CRTC3: variants seen among roughly 807,000 people sequenced by gnomAD.
CRTC3 encodes CREB regulated transcription coactivator 3, also known as CREB-regulated transcription coactivator 3.
CRTC3 carries 26 observed loss-of-function variants against 74.5 expected under a neutral mutation model. That is an observed-to-expected ratio of 0.35 (90% CI 0.26 to 0.48). The LOEUF (loss-of-function observed/expected upper bound fraction) is 0.48, where lower values mean the gene tolerates loss of function less well. Ranked by LOEUF, CRTC3 falls within the 20% of genes least tolerant of loss-of-function variation. CRTC3 has a pLI of 0.99. For missense variants in CRTC3, 760 were observed against 787.3 expected, an observed-to-expected ratio of 0.97 and a Z score of 0.41; for synonymous variants, 377 against 325.8, an observed-to-expected ratio of 1.16 and a Z score of -1.69.
intron 2 of CRTC3, among the ~76,000 whole-genome samples, chr15:90,582,677 CTAATG>C (rs1967570646): frequency 6.6e-6 from 1 of 152,198 alleles, no homozygotes; most frequent in Non-Finnish European, 1.5e-5. Flanking sequence ...AACAGAACTT[CTAATG>C]TTTTCCCCAT....
rs955303347 is a variant in CRTC3, at chr15:90,641,919, C to G, written c.1652-13C>G. 1.2e-6 allele frequency: 2 copies of G among 1,612,108 alleles called. No homozygotes were observed. Among genetic ancestry groups the G allele is most frequent in the Middle Eastern group, 1.8e-4 (1 of 5,446 alleles). On this transcript the variant is annotated splice_polypyrimidine_tract_variant and intron_variant, in intron 14 of 14. Coordinates refer to ENST00000268184, the MANE Select transcript of CRTC3 (RefSeq NM_022769.5). ...CTAACCGCACTGTTTTCCCCTCTGGCCACTCCTTTCAGAAGACTCCAGCAC... is the reference window on the plus strand; with the variant it reads ...CTAACCGCACTGTTTTCCCCTCTGGGCACTCCTTTCAGAAGACTCCAGCAC...
Position 90,617,880 on chromosome 15 carries a change from T to TA in CRTC3, c.614-2dup. 6.2e-7 allele frequency: 1 copy of TA among 1,605,812 alleles called. No individual in the cohort carries two copies. The highest frequency in any genetic ancestry group is 1.3e-5 in the African/African-American group (1 of 74,822). ...GACTGTGCTGCTTTTTTTTTCCCTT[T>TA]AGTAGCATCTTTCCCTGGCCCATTG... On this transcript the variant is annotated splice_region_variant and splice_polypyrimidine_tract_variant and intron_variant, in intron 7 of 14. Coordinates refer to ENST00000268184, the MANE Select transcript of CRTC3 (RefSeq NM_022769.5).
intron 10 of CRTC3, among the ~76,000 whole-genome samples, chr15:90,627,594 C>T (rs942688318): frequency 6.6e-6 from 1 of 151,956 alleles, no homozygotes; most frequent in Non-Finnish European, 1.5e-5. Context: ...CAGAACATGT[C>T]AGAACCAATG....
In CRTC3 at chr15:90,638,539, C is replaced by T. The variant is rs550826680; in HGVS notation, c.1360C>T (p.Leu454Phe). Residue 454 changes from leucine (L) to phenylalanine (F), a missense_variant, in exon 12 of 15, where the codon CTC becomes TTC. Leu to Phe is a conservative substitution (Grantham distance 22). This residue lies in a region of CRTC3 where 652 missense variants were observed against 635.2 expected (regional missense o/e 1.03). Coordinates refer to ENST00000268184, the MANE Select transcript of CRTC3 (RefSeq NM_022769.5). The part of the protein sequence containing the change: ...PPPPYPAPQE[L>F]TQPLLQQPRA... ...ACCCCCTTACCCTGCACCCCAGGAG[C>T]TCACCCAGCCCCTCCTGCAGCAGCC... 1.2e-6 allele frequency: 2 copies of T among 1,613,454 alleles called. No individual in the cohort carries two copies. The highest frequency in any genetic ancestry group is 1.7e-5 in the Admixed American group (1 of 60,020).
At chr15:90,623,556 C>T (rs1259076136) in intron 9 of CRTC3, among the ~76,000 whole-genome samples, 1 of 152,198 alleles carries the variant, frequency 6.6e-6, no homozygotes, top group Non-Finnish European at 1.5e-5. Flanking sequence ...TAGCCTGCCT[C>T]TCCCTCCCTG....
chr15:90,554,719 T>G (rs563357025), intron 2 of CRTC3, among the ~76,000 whole-genome samples: 1 of 152,280 alleles, frequency 6.6e-6, no homozygotes, highest in South Asian at 2.1e-4. Context: ...CAGGACCTGG[T>G]GAGGATGAAA....
chr15:90,561,757 G>A (rs1967015133), intron 2 of CRTC3, among the ~76,000 whole-genome samples: 1 of 152,200 alleles, frequency 6.6e-6, no homozygotes, highest in Admixed American at 6.5e-5. Context: ...TTTGGCTGTA[G>A]AACCAGCCAA....
At chr15:90,611,109 G>A (rs962010906) in intron 6 of CRTC3, among the ~76,000 whole-genome samples, 6 of 152,182 alleles carry the variant, frequency 3.9e-5, no homozygotes, top group African/African-American at 1.4e-4. Flanking sequence ...GCAGGTACAA[G>A]CATCCCAGAT....
At chr15:90,548,278 T>C (rs1454587103) in intron 2 of CRTC3, among the ~76,000 whole-genome samples, 3 of 152,218 alleles carry the variant, frequency 2.0e-5, no homozygotes, top group Non-Finnish European at 2.9e-5. Flanking sequence ...AACTACATTT[T>C]AACAAAATTG....
intron 14 of CRTC3, among the ~76,000 whole-genome samples, chr15:90,641,698 A>G (rs971534686): frequency 2.0e-5 from 3 of 149,998 alleles, no homozygotes; most frequent in African/African-American, 7.4e-5. Flanking sequence ...AAAAAAAAAA[A>G]GATTTCATCT....
chr15:90,545,851 T>TA (rs1424635123), intron 2 of CRTC3, among the ~76,000 whole-genome samples: 1 of 152,240 alleles, frequency 6.6e-6, no homozygotes, highest in African/African-American at 2.4e-5. Context: ...GTGCTGGGAT[T>TA]ACAGGCGTGA....
chr15:90,600,571 T>C (rs1968042819), intron 3 of CRTC3: 1 of 152,226 alleles, frequency 6.6e-6, no homozygotes, highest in African/African-American at 2.4e-5. Context: ...CCACCAGGCG[T>C]GCTATCTGAT....
At chr15:90,602,686 A>C (rs1968103422) in intron 4 of CRTC3, among the ~76,000 whole-genome samples, 1 of 151,698 alleles carries the variant, frequency 6.6e-6, no homozygotes, top group Non-Finnish European at 1.5e-5. Context: ...ACAACAAAAC[A>C]CCTTATTGGC....
intron 10 of CRTC3, among the ~76,000 whole-genome samples, chr15:90,628,959 T>A (rs1968937056): frequency 6.6e-6 from 1 of 152,124 alleles, no homozygotes; most frequent in Admixed American, 6.5e-5. Flanking sequence ...TTACCCCGGT[T>A]TACCTAGTTT....
chr15:90,637,353 A>G (rs569010038), intron 11 of CRTC3, among the ~76,000 whole-genome samples: 5 of 152,236 alleles, frequency 3.3e-5, no homozygotes, highest in South Asian at 2.1e-4. Flanking sequence ...GAATTGAACA[A>G]TGAGAACACA....
At chr15:90,638,237 A>C in intron 11 of CRTC3, 1 of 545,032 alleles carries the variant, frequency 1.8e-6, no homozygotes, top group East Asian at 2.9e-5. Context: ...AAGACAATAG[A>C]ACTTGTCATT....
intron 2 of CRTC3, among the ~76,000 whole-genome samples, chr15:90,541,375 G>A (rs1966798871): frequency 6.6e-6 from 1 of 152,060 alleles, no homozygotes; most frequent in African/African-American, 2.4e-5. Context: ...ATTTAAGTTG[G>A]GGACTTCCAT....
At chr15:90,549,176 A>G (rs961252775) in intron 2 of CRTC3, among the ~76,000 whole-genome samples, 4 of 152,070 alleles carry the variant, frequency 2.6e-5, no homozygotes, top group East Asian at 1.9e-4. Flanking sequence ...TATGTGTTCA[A>G]TGGTTTTCAG....
At chr15:90,532,837 A>C (rs1388998257) in intron 1 of CRTC3, among the ~76,000 whole-genome samples, 1 of 152,186 alleles carries the variant, frequency 6.6e-6, no homozygotes, top group Non-Finnish European at 1.5e-5. Context: ...CTGTAATCCC[A>C]GCACTTTGGG....
Sources: allele counts gnomAD v4.1 joint callset (sites outside exome capture counted in the v4.1 genomes callset), GRCh38; gene constraint gnomAD v4.1.1; regional missense constraint gnomAD v4.1.1; transcripts MANE v1.5; gene names NCBI Gene and HGNC (gene_info 2026-07-23, HGNC 2026-07-21).